The following ADCYAP1R1 variants were observed in gnomAD, a reference collection of about 807,000 sequenced individuals.
The protein encoded by ADCYAP1R1 is ADCYAP receptor type I, also known as pituitary adenylate cyclase-activating polypeptide type I receptor.
A neutral mutation model predicts 67.6 loss-of-function variants in ADCYAP1R1; 44 were observed. The observed-to-expected ratio is 0.65, with a 90% CI of 0.51 to 0.84. The LOEUF (loss-of-function observed/expected upper bound fraction) is 0.84. Among genes scored for constraint, ADCYAP1R1 ranks in the 40% least tolerant of loss-of-function variants. The probability of loss-of-function intolerance (pLI) is 0.00; values close to 1 mark genes in which losing one functional copy is unlikely to be tolerated. For synonymous variants in ADCYAP1R1, 222 were observed against 219.6 expected (o/e 1.01, Z -0.10); for missense variants, 477 against 587.9 (o/e 0.81, Z 1.95).
chr7:31,064,806 C>G lies in ADCYAP1R1; in HGVS notation c.52-25C>G, dbSNP rs1242937402. On this transcript the variant is annotated intron_variant, in intron 2 of 15. Transcript: ENST00000304166. ...CAGATGGGCCTCCTACCCGCTCCCA[C>G]CATCCATCCTGTGTTCTCCTACAGG... 2.5e-6 allele frequency: 4 copies of G among 1,585,864 alleles called. No individual in the cohort carries two copies. The South Asian group carries it at 4.6e-5, about 18-fold the overall frequency.
intron 3 of ADCYAP1R1, among the ~76,000 whole-genome samples, chr7:31,065,579 C>T (rs1794702302): frequency 6.6e-6 from 1 of 152,184 alleles, no homozygotes; most frequent in Admixed American, 6.5e-5. Flanking sequence ...TTTCAAATGT[C>T]CCAAGGGAGT....
chr7:31,068,665 TG>T (rs1260284367), intron 3 of ADCYAP1R1, among the ~76,000 whole-genome samples: 2 of 152,108 alleles, frequency 1.3e-5, no homozygotes, highest in Non-Finnish European at 2.9e-5. Context: ...ATGACTTGCT[TG>T]GGAAGGAGAG....
intron 13 of ADCYAP1R1, 100 bp downstream of exon 13, chr7:31,092,835 G>A (rs1356122277): frequency 2.5e-6 from 2 of 796,344 alleles, no homozygotes; most frequent in Non-Finnish European, 4.1e-6. Flanking sequence ...CTGATAGGGT[G>A]ACCTAGCATC....
chr7:31,063,751 G>A (rs977769515), intron 2 of ADCYAP1R1, among the ~76,000 whole-genome samples: 3 of 152,160 alleles, frequency 2.0e-5, no homozygotes, highest in African/African-American at 7.2e-5. Flanking sequence ...CCCAGGTTTT[G>A]GTCCCGCCAC....
intron 3 of ADCYAP1R1, among the ~76,000 whole-genome samples, chr7:31,069,960 A>G (rs1023444155): frequency 6.6e-6 from 1 of 152,196 alleles, no homozygotes; most frequent in African/African-American, 2.4e-5. Flanking sequence ...CCAAATGCTA[A>G]TGGGATTTAA....
In ADCYAP1R1 at chr7:31,092,503, T is replaced by A. The variant is rs189947589; in HGVS notation, c.955-141T>A. On this transcript the variant is annotated intron_variant, in intron 12 of 15. Transcript: ENST00000304166. Reference sequence around the variant, plus strand: ...ATGATACTGTGGGAGGCTGGAGAGATAAATGGGAATTATCACACCGCCATC... The same window carrying A: ...ATGATACTGTGGGAGGCTGGAGAGAAAAATGGGAATTATCACACCGCCATC... 6.7e-3 allele frequency: 4,463 copies of A among 669,138 alleles called. 59 individuals carry two copies. Among genetic ancestry groups the A allele is most frequent in the Non-Finnish European group, 5.1e-3 (1,940 of 381,302 alleles). The allele number at this position is 669,138 out of a possible 1,614,324, so 41.5% of individuals were successfully genotyped here. A position where few individuals can be genotyped will look rare whatever the true frequency, so the allele number is the denominator to read the frequency against.
chr7:31,089,017 T>C (rs1795859751), intron 12 of ADCYAP1R1, among the ~76,000 whole-genome samples: 1 of 152,186 alleles, frequency 6.6e-6, no homozygotes, highest in Non-Finnish European at 1.5e-5. Context: ...ATTCAGTCTT[T>C]CTTATAGAGT....
At chr7:31,071,998 T>G (rs186930465) in intron 3 of ADCYAP1R1, among the ~76,000 whole-genome samples, 13 of 123,234 alleles carry the variant, frequency 1.1e-4, no homozygotes, top group Non-Finnish European at 2.0e-4. Context: ...CATCCATCCA[T>G]CCAGCCACCC....
chr7:31,054,206 G>A (rs531359986), intron 1 of ADCYAP1R1, among the ~76,000 whole-genome samples: 3 of 152,280 alleles, frequency 2.0e-5, no homozygotes, highest in Admixed American at 1.3e-4. Flanking sequence ...GTGGGGTGAC[G>A]ATGGAGGCGG....
intron 13 of ADCYAP1R1, among the ~76,000 whole-genome samples, chr7:31,098,532 G>T (rs1414259325): frequency 6.6e-6 from 1 of 152,134 alleles, no homozygotes; most frequent in Non-Finnish European, 1.5e-5. Flanking sequence ...GGTGGTGTTG[G>T]TGTTGATGGT....
chr7:31,078,543 G>A (rs747688486), intron 4 of ADCYAP1R1, among the ~76,000 whole-genome samples: 1 of 152,208 alleles, frequency 6.6e-6, no homozygotes. Flanking sequence ...GATCCTCAGC[G>A]CCCAGTGGGA....
intron 9 of ADCYAP1R1, 25 bp downstream of exon 9, chr7:31,085,467 A>G (rs76320807): frequency 6.2e-7 from 1 of 1,607,206 alleles, no homozygotes; most frequent in South Asian, 1.1e-5. Context: ...CAGACCCATT[A>G]GGGCTCTGCC....
chr7:31,095,856 CG>C, intron 13 of ADCYAP1R1: 8 of 650,646 alleles, frequency 1.2e-5, no homozygotes, highest in Non-Finnish European at 2.0e-5. Context: ...GGGGCCTCTG[CG>C]GGGGGACGGT....
intron 1 of ADCYAP1R1, among the ~76,000 whole-genome samples, chr7:31,056,202 G>A (rs979724936): frequency 6.6e-6 from 1 of 152,166 alleles, no homozygotes; most frequent in Admixed American, 6.5e-5. Context: ...TCAGTGGAGG[G>A]CAAGGTCATA....
At chr7:31,080,863 C>A (rs911061322) in intron 5 of ADCYAP1R1, among the ~76,000 whole-genome samples, 1 of 152,194 alleles carries the variant, frequency 6.6e-6, no homozygotes. Flanking sequence ...CCTCAGGTCC[C>A]TCACAGGCTT....
intron 12 of ADCYAP1R1, among the ~76,000 whole-genome samples, chr7:31,088,047 T>C (rs1312552641): frequency 6.6e-6 from 1 of 152,250 alleles, no homozygotes; most frequent in Non-Finnish European, 1.5e-5. Context: ...CCTTTAACAA[T>C]TTATTCCTCC....
intron 13 of ADCYAP1R1, among the ~76,000 whole-genome samples, chr7:31,097,524 G>A (rs761178544): frequency 5.3e-5 from 8 of 152,116 alleles, no homozygotes; most frequent in South Asian, 2.1e-4. Flanking sequence ...GCCCTCCAGG[G>A]CCAGTCCTCC....
rs1363639085 is a variant in ADCYAP1R1 at position 31,060,692 on chromosome 7, T to TTG, written c.-71-2493_-71-2492dup. Reference sequence around the variant, plus strand: ...CCTATTTCTGTGTATTTGTGTGTGTTTGTGTGTGTGAGAGAGAGAGAGAAA... The same window carrying TTG: ...CCTATTTCTGTGTATTTGTGTGTGTTTGTGTGTGTGTGAGAGAGAGAGAGAAA... On this transcript the variant is annotated intron_variant, in intron 1 of 15. Transcript: ENST00000304166. Among the ~76,000 whole-genome samples, 4 of 151,598 alleles carry TTG rather than the reference T, an allele frequency of 2.6e-5. No homozygotes were observed. In the East Asian group the frequency reaches 7.8e-4, roughly 29 times the overall value.
chr7:31,077,047 C>G (rs1795262519), intron 3 of ADCYAP1R1, among the ~76,000 whole-genome samples: 1 of 152,182 alleles, frequency 6.6e-6, no homozygotes, highest in Non-Finnish European at 1.5e-5. Flanking sequence ...TGAGGGCTCC[C>G]TCCTTCCCGA....
Sources: gnomAD v4.1 joint callset for allele counts (sites outside exome capture counted in the v4.1 genomes callset) on GRCh38, gnomAD v4.1.1 for gene constraint, MANE v1.5 for transcripts, NCBI Gene and HGNC (gene_info 2026-07-23, HGNC 2026-07-21) for gene names.